The following TECTB variants were observed in gnomAD, a reference collection of about 807,000 sequenced individuals.
TECTB encodes tectorin beta.
Under a neutral mutation model 43.3 loss-of-function variants are expected in TECTB, and 45 were observed. That is an observed-to-expected ratio of 1.04 (90% CI 0.82 to 1.33). TECTB has a LOEUF of 1.33. Among genes scored for constraint, TECTB ranks in the 40% most tolerant of loss-of-function variants. TECTB has a pLI of 0.00. For missense variants in TECTB, 399 were observed against 404.7 expected (o/e 0.99, Z 0.12); for synonymous variants, 169 against 156.7 (o/e 1.08, Z -0.59).
At chr10:112,289,877 C>T (rs4918735) in intron 5 of TECTB, among the ~76,000 whole-genome samples, 77,667 of 151,828 alleles carry the variant, frequency 0.51, 23,263 homozygotes, top group African/African-American at 0.82. Context: ...TTCACCGCTA[C>T]TTCACATGGA....
At chr10:112,295,557 A>C (rs1261612254) in intron 7 of TECTB, among the ~76,000 whole-genome samples, 4 of 152,256 alleles carry the variant, frequency 2.6e-5, no homozygotes, top group Non-Finnish European at 5.9e-5. Context: ...TGTGCAGCCC[A>C]GCAAAGCCTC....
At position 112,284,525 on chromosome 10, in the gene TECTB, C is replaced by T. The variant is rs143737351; in HGVS notation, c.77-10C>T. ...TAACTGATTTTAAACTATATGTGTG[C>T]TCTTTCCAGATGTCATTCTTGTGTT... On this transcript the variant is annotated splice_polypyrimidine_tract_variant and intron_variant, in intron 2 of 10. Transcript: ENST00000646139. The T allele has an allele frequency of 5.6e-4, 898 of 1,594,504 alleles. 4 individuals carry two copies. In the African/African-American group the frequency reaches 8.8e-3, roughly 16 times the overall value.
chr10:112,298,370 A>G, intron 8 of TECTB, 139 bp downstream of exon 8: 3 of 1,111,666 alleles, frequency 2.7e-6, no homozygotes, highest in East Asian at 2.6e-5. Flanking sequence ...CACTGAGTAT[A>G]AGGGCAGATG....
rs1194953968 is a variant in TECTB at position 112,298,189 on chromosome 10, T to C, written c.792T>C (p.Cys264=). ...IPKLSKVWLH[C]ETFICDSEKL... is the part of the protein sequence containing the mutation. ...AACTCTCCAAGGTGTGGTTACACTG[T>C]GAGACGTTCATCTGCGACAGTGAGA... The change falls in exon 8 of 11, where the codon TGT becomes TGC. Residue 264 remains cysteine, a synonymous_variant. Transcript: ENST00000646139. The C allele has an allele frequency of 6.2e-7, 1 of 1,614,044 alleles. No homozygotes were observed. Among genetic ancestry groups the C allele is most frequent in the Non-Finnish European group, 8.5e-7 (1 of 1,179,880 alleles).
Position 112,293,868 on chromosome 10 carries a change from T to C in TECTB, c.587+27T>C, listed in dbSNP as rs776418397. 15 of 1,610,882 alleles carry C rather than the reference T, an allele frequency of 9.3e-6. No individual in the cohort carries two copies. The Admixed American group carries it at 1.0e-4, about 11-fold the overall frequency. ...TAAGTACATTTCCTCCAAGTTTATATGTTTAAATGCAAAGAAAAAAAAGAC... is the reference window on the plus strand; with the variant it reads ...TAAGTACATTTCCTCCAAGTTTATACGTTTAAATGCAAAGAAAAAAAAGAC... On this transcript the variant is annotated intron_variant, in intron 6 of 10. Coordinates refer to ENST00000646139, the MANE Select transcript of TECTB (RefSeq NM_058222.3).
intron 9 of TECTB, among the ~76,000 whole-genome samples, chr10:112,300,303 G>GA (rs1554854238): frequency 9.9e-6 from 1 of 100,868 alleles, no homozygotes; most frequent in Non-Finnish European, 2.0e-5. Context: ...AAGAAAGAAA[G>GA]AAAGAAAGAA....
At chr10:112,294,089 G>A (rs1190411014) in intron 7 of TECTB, 28 bp downstream of exon 7, 2 of 1,595,332 alleles carry the variant, frequency 1.3e-6, no homozygotes, top group Non-Finnish European at 1.7e-6. Context: ...AGACAGGGCT[G>A]AACAGTGGAA....
At position 112,299,474 on chromosome 10, in the gene TECTB, G is replaced by T; in HGVS notation, c.835-18G>T. 1 of 1,613,920 alleles carries T rather than the reference G, an allele frequency of 6.2e-7. No homozygotes were observed. On this transcript the variant is annotated intron_variant, in intron 8 of 10. Coordinates refer to ENST00000646139, the MANE Select transcript of TECTB (RefSeq NM_058222.3). ...CACCTTCCCCGCTTCTCTCCTGTCT[G>T]CCTCTCTGGGTCTTCAGACCTGCGA...
chr10:112,300,551 C>A (rs537961775), intron 9 of TECTB, among the ~76,000 whole-genome samples: 1 of 152,182 alleles, frequency 6.6e-6, no homozygotes, highest in Non-Finnish European at 1.5e-5. Flanking sequence ...AGAGAAATTA[C>A]TGTTAAGGAG....
chr10:112,294,366 G>A (rs918222348), intron 7 of TECTB, among the ~76,000 whole-genome samples: 12 of 152,104 alleles, frequency 7.9e-5, no homozygotes, highest in African/African-American at 2.9e-4. Context: ...AGAGGGTAAG[G>A]TCTCATATTA....
At chr10:112,300,276 AAGAAAAG>A in intron 9 of TECTB, among the ~76,000 whole-genome samples, 1 of 37,406 alleles carries the variant, frequency 2.7e-5, no homozygotes, top group Non-Finnish European at 5.1e-5. Flanking sequence ...GAAAGAAAGA[AAGAAAAG>A]AAAGAAAGAA....
rs1179264628 is a variant in TECTB at position 112,284,704 on chromosome 10, C to G, written c.246C>G (p.Ser82=). The change falls in exon 3 of 11, where the codon TCC becomes TCG. Residue 82 remains serine, a synonymous_variant. Coordinates refer to ENST00000646139, the MANE Select transcript of TECTB (RefSeq NM_058222.3). ...VIPDLSPKNK[S]YCGTQSEYKP... is the part of the protein sequence containing the mutation. ...CAGATTTATCACCTAAAAACAAGTC[C>G]TATTGTGGAACCCAGTCTGAGGTAA... is the stretch of plus-strand genomic sequence containing the variant. The G allele has an allele frequency of 1.2e-6, 2 of 1,604,506 alleles. No individual in the cohort carries two copies. Among genetic ancestry groups the G allele is most frequent in the South Asian group, 2.2e-5 (2 of 89,168 alleles).
chr10:112,291,529 G>A (rs1326083313), intron 5 of TECTB, among the ~76,000 whole-genome samples: 1 of 152,150 alleles, frequency 6.6e-6, no homozygotes, highest in East Asian at 1.9e-4. Flanking sequence ...AAGAAAATGT[G>A]GTACATATAC....
rs1185983839 is a variant in TECTB, at chr10:112,283,668, T to C, written c.-67T>C. The C allele has an allele frequency of 1.3e-5, 19 of 1,500,168 alleles. No homozygotes were observed. The highest frequency in any genetic ancestry group is 1.7e-5 in the Admixed American group (1 of 57,670). The allele number at this position is 1,500,168 out of a possible 1,614,324, so 92.9% of individuals were successfully genotyped here. A position where few individuals can be genotyped will look rare whatever the true frequency, so the allele number is the denominator to read the frequency against. On this transcript the variant is annotated 5_prime_UTR_variant, in exon 2 of 11. Transcript: ENST00000646139. ...CTTAGAATGATCGAGGCTCAGGCCC[T>C]GGAAGGACCGTAAACATTTGGCCAG... is the stretch of plus-strand genomic sequence containing the variant.
At chr10:112,287,975 T>C (rs990658450) in intron 5 of TECTB, among the ~76,000 whole-genome samples, 1 of 152,108 alleles carries the variant, frequency 6.6e-6, no homozygotes, top group Admixed American at 6.6e-5. Context: ...CACGTAGCCC[T>C]TGACCTATAA....
chr10:112,296,496 A>C (rs978931595), intron 7 of TECTB, among the ~76,000 whole-genome samples: 6 of 151,978 alleles, frequency 3.9e-5, no homozygotes, highest in Non-Finnish European at 8.8e-5. Flanking sequence ...TGCCTGGGGC[A>C]CTCTGGCTGC....
rs2133360867 is a variant in TECTB, at chr10:112,303,373, A to G, written c.*61A>G. 1.3e-6 allele frequency: 2 copies of G among 1,598,456 alleles called. No homozygotes were observed. The highest frequency in any genetic ancestry group is 4.5e-5 in the East Asian group (2 of 44,752). ...ATAGTCCTCAGCGAATGACAAACAC[A>G]TTTATTGTGCTGCCAAAAAGAACAA... On this transcript the variant is annotated 3_prime_UTR_variant, in exon 11 of 11. Coordinates refer to ENST00000646139, the MANE Select transcript of TECTB (RefSeq NM_058222.3).
In TECTB at chr10:112,298,077, C is replaced by A. The variant is rs142734172; in HGVS notation, c.680C>A (p.Thr227Lys). 76 of 1,614,174 alleles carry A rather than the reference C, an allele frequency of 4.7e-5. No individual in the cohort carries two copies. The African/African-American group carries it at 7.2e-4, about 15-fold the overall frequency. Reference protein sequence around the residue: ...QWQLINKGCPTDETVLVHENG... With the variant: ...QWQLINKGCPKDETVLVHENG... ...TTCCCCATCTGCCTCAGCTGCCCCA[C>A]GGATGAAACCGTCCTCGTGCATGAG... The change falls in exon 8 of 11, where the codon ACG becomes AAG. Residue 227 changes from threonine to lysine, a missense_variant. Coordinates refer to ENST00000646139, the MANE Select transcript of TECTB (RefSeq NM_058222.3).
At position 112,303,620 on chromosome 10, in the gene TECTB, T is replaced by TA; in HGVS notation, c.*312dup. 2.6e-6 allele frequency: 1 copy of TA among 381,668 alleles called. No individual in the cohort carries two copies. The highest frequency in any genetic ancestry group is 4.8e-6 in the Non-Finnish European group (1 of 208,046). The allele number at this position is 381,668 out of a possible 1,614,324, so 23.6% of individuals were successfully genotyped here. On this transcript the variant is annotated 3_prime_UTR_variant, in exon 11 of 11. Coordinates refer to ENST00000646139, the MANE Select transcript of TECTB (RefSeq NM_058222.3). ...ATTCCTTTGAAAGCTATTTTAACTT[T>TA]AAAAGGTTAGCAGACCCAACCAAGT...
Sources: gnomAD v4.1 joint callset for allele counts (sites outside exome capture counted in the v4.1 genomes callset) on GRCh38, gnomAD v4.1.1 for gene constraint, MANE v1.5 for transcripts, NCBI Gene and HGNC (gene_info 2026-07-23, HGNC 2026-07-21) for gene names.